Variants in GRIK1 observed in about 807,000 individuals in gnomAD.
GRIK1 encodes glutamate ionotropic receptor kainate type subunit 1, also known as glutamate receptor ionotropic, kainate 1.
GRIK1 carries 69 observed loss-of-function variants against 105.7 expected under a neutral mutation model. The ratio of observed to expected loss-of-function variants is 0.65; its 90% CI spans 0.54 to 0.80. The LOEUF is 0.80. Ranked by LOEUF, GRIK1 falls within the 30% of genes least tolerant of loss-of-function variation. The pLI, the probability that GRIK1 is intolerant of heterozygous loss-of-function variation, is 0.00. For missense variants in GRIK1, 1,109 were observed against 1,167.3 expected (o/e 0.95, Z 0.73); for synonymous variants, 438 against 431.3 (o/e 1.02, Z -0.19).
intron 1 of GRIK1, among the ~76,000 whole-genome samples, chr21:29,927,741 T>C (rs1196597802): frequency 6.6e-6 from 1 of 151,712 alleles, no homozygotes; most frequent in African/African-American, 2.4e-5. Flanking sequence ...CGTGGTGGCA[T>C]GTGCCTGTAG....
chr21:29,793,523 C>G (rs762430251), intron 1 of GRIK1, among the ~76,000 whole-genome samples: 2 of 146,974 alleles, frequency 1.4e-5, no homozygotes, highest in Non-Finnish European at 3.0e-5. Context: ...TCTGCCTTTT[C>G]CTTCTCCTCC....
chr21:29,777,560 A>G (rs2065977149), intron 1 of GRIK1, among the ~76,000 whole-genome samples: 1 of 152,208 alleles, frequency 6.6e-6, no homozygotes. Context: ...TGAAAAATTG[A>G]AAAAGGTCTA....
chr21:29,598,999 C>A, intron 7 of GRIK1, 62 bp from the exon 8 acceptor site: 1 of 753,690 alleles, frequency 1.3e-6, no homozygotes, highest in South Asian at 1.7e-5. Flanking sequence ...CTGAGACCAT[C>A]AAAATTATAA....
chr21:29,584,198 G>A (rs929196826), intron 12 of GRIK1, among the ~76,000 whole-genome samples: 1 of 152,156 alleles, frequency 6.6e-6, no homozygotes, highest in African/African-American at 2.4e-5. Flanking sequence ...AGGCTGCATT[G>A]AGGAGAGAAA....
At position 29,596,543 on chromosome 21, in the gene GRIK1, AC is replaced by A; in HGVS notation, c.1233del (p.Leu411PhefsTer19). The A allele has an allele frequency of 6.2e-7, 1 of 1,608,388 alleles. No homozygotes were observed. The highest frequency in any genetic ancestry group is 8.5e-7 in the Non-Finnish European group (1 of 1,174,776). On this transcript the variant is annotated frameshift_variant, in exon 9 of 18. Transcript: ENST00000327783. LOFTEE classifies it high-confidence loss of function. ...GTACAAACCTTCTTCCACACTTTAT[AC>A]AAGTGTTTAGACACTTCGCCAGCAG... ...EKAAGEVSKHLYKVWKKIGIW... is the reference protein window; with the variant it reads ...EKAAGEVSKHXYKVWKKIGIW...
chr21:29,654,931 G>A (rs1229456054), intron 4 of GRIK1, 68 bp from the exon 5 acceptor site: 4 of 938,942 alleles, frequency 4.3e-6, no homozygotes, highest in Non-Finnish European at 7.1e-6. Context: ...AATTTCTAGG[G>A]TGACTGCAAA....
At chr21:29,738,060 T>C (rs912137170) in intron 1 of GRIK1, among the ~76,000 whole-genome samples, 3 of 152,180 alleles carry the variant, frequency 2.0e-5, no homozygotes, top group Non-Finnish European at 4.4e-5. Flanking sequence ...AGAGCAACCA[T>C]AGAGACAGCT....
intron 7 of GRIK1, among the ~76,000 whole-genome samples, chr21:29,611,834 G>A (rs1176948600): frequency 6.6e-6 from 1 of 152,138 alleles, no homozygotes; most frequent in Non-Finnish European, 1.5e-5. Flanking sequence ...CAAAATAAAA[G>A]GAGAAATAAT....
intron 9 of GRIK1, among the ~76,000 whole-genome samples, chr21:29,594,450 G>T (rs112024478): frequency 0.026 from 3,900 of 151,820 alleles, 128 homozygotes; most frequent in African/African-American, 0.079. Context: ...CAGTTTTCAA[G>T]CTTCACAGTG....
At chr21:29,831,478 T>A (rs2145965724) in intron 1 of GRIK1, among the ~76,000 whole-genome samples, 1 of 152,254 alleles carries the variant, frequency 6.6e-6, no homozygotes, top group African/African-American at 2.4e-5. Flanking sequence ...CTTAATTGAC[T>A]CATGGTTCAA....
At chr21:29,625,958 A>G (rs773417347) in intron 7 of GRIK1, among the ~76,000 whole-genome samples, 13 of 152,150 alleles carry the variant, frequency 8.5e-5, no homozygotes, top group Non-Finnish European at 1.6e-4. Flanking sequence ...CCTAACCCCC[A>G]GCAGCTTAGA....
chr21:29,792,327 G>A (rs781531683), intron 1 of GRIK1, among the ~76,000 whole-genome samples: 8 of 152,080 alleles, frequency 5.3e-5, no homozygotes, highest in Non-Finnish European at 1.0e-4. Context: ...TGACACAGAT[G>A]GAATTATGAA....
intron 7 of GRIK1, among the ~76,000 whole-genome samples, chr21:29,621,428 A>T (rs1373588729): frequency 6.6e-6 from 1 of 152,050 alleles, no homozygotes; most frequent in Non-Finnish European, 1.5e-5. Flanking sequence ...GACGATCTAA[A>T]ACCTAAAACT....
At chr21:29,636,209 G>A (rs774722754) in intron 7 of GRIK1, among the ~76,000 whole-genome samples, 1 of 152,146 alleles carries the variant, frequency 6.6e-6, no homozygotes, top group African/African-American at 2.4e-5. Context: ...TCAGAGAGGG[G>A]AGGTATTTGA....
chr21:29,684,797 A>C (rs562564299), intron 3 of GRIK1, among the ~76,000 whole-genome samples: 3 of 152,340 alleles, frequency 2.0e-5, no homozygotes, highest in East Asian at 3.9e-4. Flanking sequence ...GGCGTGAGCC[A>C]CCACACCCGG....
chr21:29,685,609 G>A (rs746170501), intron 3 of GRIK1, among the ~76,000 whole-genome samples: 4 of 152,090 alleles, frequency 2.6e-5, no homozygotes, highest in Non-Finnish European at 2.9e-5. Context: ...TGTCTTTTAA[G>A]AGAGCCAAAC....
chr21:29,574,739 G>C (rs1375246818), intron 14 of GRIK1, among the ~76,000 whole-genome samples: 4 of 143,510 alleles, frequency 2.8e-5, no homozygotes, highest in Non-Finnish European at 6.0e-5. Flanking sequence ...CCAGGCGGGA[G>C]TGCAGTGGCG....
chr21:29,866,441 C>T (rs536998751), intron 1 of GRIK1, among the ~76,000 whole-genome samples: 49 of 152,138 alleles, frequency 3.2e-4, no homozygotes, highest in Admixed American at 2.7e-3. Context: ...CCTGCTATTA[C>T]CTCTGGGATG....
chr21:29,716,057 G>T (rs1047719144), intron 1 of GRIK1, among the ~76,000 whole-genome samples: 1 of 151,882 alleles, frequency 6.6e-6, no homozygotes, highest in South Asian at 2.1e-4. Context: ...GAGATCTGAT[G>T]GTTTTATAAG....
Sources: gnomAD v4.1 joint callset for allele counts (sites outside exome capture counted in the v4.1 genomes callset) on GRCh38, gnomAD v4.1.1 for gene constraint, MANE v1.5 for transcripts, NCBI Gene and HGNC (gene_info 2026-07-23, HGNC 2026-07-21) for gene names.